The following ASTN2 variants were observed in gnomAD, a reference collection of about 807,000 sequenced individuals.
ASTN2 encodes the protein astrotactin-2.
ASTN2 carries 54 observed loss-of-function variants against 139.8 expected under a neutral mutation model. That is an observed-to-expected ratio of 0.39 (90% CI 0.31 to 0.48). The LOEUF (loss-of-function observed/expected upper bound fraction) is 0.48. ASTN2 is among the 20% of genes least tolerant of loss of function. The pLI, the probability that ASTN2 is intolerant of heterozygous loss-of-function variation, is 0.95. For synonymous variants in ASTN2, 756 were observed against 719.5 expected (o/e 1.05, Z -0.81); for missense variants, 1,565 against 1,725.1 (o/e 0.91, Z 1.64).
chr9:117,008,396 G>C lies in ASTN2; in HGVS notation c.1424-137C>G, dbSNP rs939668789. On this transcript the variant is annotated intron_variant, in intron 6 of 22. Transcript: ENST00000313400. Reference sequence around the variant, plus strand: ...ATTTGTCTAAGTGCACTTGCAATGTGCCCGTCATGGTGTTGCAAGCCCATA... The same window carrying C: ...ATTTGTCTAAGTGCACTTGCAATGTCCCCGTCATGGTGTTGCAAGCCCATA... 9 of 688,730 alleles carry C rather than the reference G, an allele frequency of 1.3e-5. No homozygotes were observed. The African/African-American group carries it at 1.4e-4, about 11-fold the overall frequency. The allele number at this position is 688,730 out of a possible 1,614,324, so 42.7% of individuals were successfully genotyped here.
chr9:116,934,180 G>A (rs1321519650), intron 10 of ASTN2, among the ~76,000 whole-genome samples: 2 of 151,858 alleles, frequency 1.3e-5, no homozygotes, highest in Admixed American at 6.6e-5. Flanking sequence ...TTCCACAAAT[G>A]AGAAGCTACT....
intron 20 of ASTN2, among the ~76,000 whole-genome samples, chr9:116,478,933 A>G (rs1206508286): frequency 7.3e-6 from 1 of 137,478 alleles, no homozygotes; most frequent in Non-Finnish European, 1.5e-5. Context: ...CAGAGGTTGC[A>G]GTGAGCTGAG....
intron 5 of ASTN2, among the ~76,000 whole-genome samples, chr9:117,061,747 TGGGAGACTGAAGA>T (rs987631259): frequency 2.0e-5 from 3 of 152,154 alleles, no homozygotes; most frequent in Non-Finnish European, 4.4e-5. Context: ...GAACTTTCAA[TGGGAGACTGAAGA>T]GGGAGAGAAG....
chr9:116,651,028 G>A (rs551146664), intron 17 of ASTN2, among the ~76,000 whole-genome samples: 1 of 151,486 alleles, frequency 6.6e-6, no homozygotes, highest in South Asian at 2.1e-4. Context: ...CAATTCTCCT[G>A]CCTCAGCCTC....
intron 20 of ASTN2, among the ~76,000 whole-genome samples, chr9:116,447,992 C>T (rs1452524820): frequency 6.6e-6 from 1 of 152,154 alleles, no homozygotes; most frequent in Non-Finnish European, 1.5e-5. Context: ...GCAGTGAGAG[C>T]TTCTCACAGA....
chr9:117,018,686 C>T (rs551965421), intron 6 of ASTN2, among the ~76,000 whole-genome samples: 130 of 152,210 alleles, frequency 8.5e-4, no homozygotes, highest in African/African-American at 2.9e-3. Flanking sequence ...CTGGGAAATG[C>T]TTGATATTTC....
intron 1 of ASTN2, among the ~76,000 whole-genome samples, chr9:117,356,952 T>A (rs1244060426): frequency 6.6e-6 from 1 of 152,026 alleles, no homozygotes; most frequent in East Asian, 1.9e-4. Flanking sequence ...TAATGCCAGC[T>A]ACTTGGGAGG....
intron 13 of ASTN2, among the ~76,000 whole-genome samples, chr9:116,779,690 T>C (rs1830168929): frequency 6.6e-6 from 1 of 152,164 alleles, no homozygotes; most frequent in Non-Finnish European, 1.5e-5. Flanking sequence ...ATTTCCCTTC[T>C]TTTTCTGTTC....
At position 117,211,290 on chromosome 9, in the gene ASTN2, T is replaced by A. The variant is rs931865879; in HGVS notation, c.1015+3068A>T. On this transcript the variant is annotated intron_variant, in intron 3 of 22. Coordinates refer to ENST00000313400, the MANE Select transcript of ASTN2 (RefSeq NM_001365068.1). The stretch of plus-strand genomic sequence containing the variant: ...AGAGTCTACCTAAACGTCTTAGAAA[T>A]GTGATATGGTTTGGCTCTGTGTCTT... Among the ~76,000 whole-genome samples the A allele has an allele frequency of 2.0e-5, 3 of 152,314 alleles. No individual in the cohort carries two copies. In the East Asian group the frequency reaches 5.8e-4, roughly 29 times the overall value.
chr9:116,557,621 G>A (rs1852698615), intron 19 of ASTN2: 1 of 152,168 alleles, frequency 6.6e-6, no homozygotes, highest in African/African-American at 2.4e-5. Flanking sequence ...AGACATGGCT[G>A]CTTGGAAATT....
intron 1 of ASTN2, among the ~76,000 whole-genome samples, chr9:117,402,121 C>T (rs762363945): frequency 2.0e-5 from 3 of 152,146 alleles, no homozygotes; most frequent in Non-Finnish European, 4.4e-5. Context: ...GGCTGGAGTG[C>T]AGTGGCACGA....
At chr9:116,513,512 C>T (rs536615501) in intron 19 of ASTN2, among the ~76,000 whole-genome samples, 419 of 151,920 alleles carry the variant, frequency 2.8e-3, no homozygotes, top group Non-Finnish European at 4.8e-3. Context: ...TTCTTTGTGG[C>T]TTTCTCTGTA....
At chr9:116,609,448 C>A (rs1855420039) in intron 19 of ASTN2, among the ~76,000 whole-genome samples, 1 of 140,742 alleles carries the variant, frequency 7.1e-6, no homozygotes, top group East Asian at 2.1e-4. Context: ...TAATTTGAAG[C>A]AATGCAAACA....
intron 10 of ASTN2, among the ~76,000 whole-genome samples, chr9:116,950,339 A>C (rs16934097): frequency 0.03 from 4,520 of 152,218 alleles, 249 homozygotes; most frequent in African/African-American, 0.1. Context: ...TAAAGGAAGT[A>C]ATTTTCCAGT....
chr9:116,493,809 T>C (rs1306221367), intron 19 of ASTN2, among the ~76,000 whole-genome samples: 1 of 151,738 alleles, frequency 6.6e-6, no homozygotes, highest in African/African-American at 2.4e-5. Flanking sequence ...GATGTGGGGG[T>C]GGGGACGGCA....
chr9:116,981,652 T>C (rs954402942), intron 7 of ASTN2, among the ~76,000 whole-genome samples: 2 of 152,230 alleles, frequency 1.3e-5, no homozygotes, highest in Non-Finnish European at 2.9e-5. Context: ...ATTGGTGGTA[T>C]CAATAGTTCA....
intron 2 of ASTN2, among the ~76,000 whole-genome samples, chr9:117,239,167 C>T (rs1239334901): frequency 2.0e-5 from 3 of 152,186 alleles, no homozygotes; most frequent in Admixed American, 2.0e-4. Context: ...GGCCCTGCCA[C>T]CCTTGGCTGA....
At position 116,534,698 on chromosome 9, in the gene ASTN2, T is replaced by C. The variant is rs188682610; in HGVS notation, c.3356-47198A>G. Among the ~76,000 whole-genome samples the C allele has an allele frequency of 2.6e-3, 393 of 152,346 alleles. 2 individuals carry two copies. The highest frequency in any genetic ancestry group is 0.015 in the South Asian group (74 of 4,824). ...GAGTGAGTTTCTTAATCCTGAGGTC[T>C]AGTTTGATTGCACTGTGTTCTGAGA... On this transcript the variant is annotated intron_variant, in intron 19 of 22. Transcript: ENST00000313400.
chr9:116,426,530 T>C (rs1180526820), intron 22 of ASTN2, among the ~76,000 whole-genome samples: 1 of 152,154 alleles, frequency 6.6e-6, no homozygotes, highest in Non-Finnish European at 1.5e-5. Context: ...CTACCCCCTT[T>C]TAATGGGTGA....
Sources: allele counts gnomAD v4.1 joint callset (sites outside exome capture counted in the v4.1 genomes callset), GRCh38; gene constraint gnomAD v4.1.1; transcripts MANE v1.5; gene names NCBI Gene and HGNC (gene_info 2026-07-23, HGNC 2026-07-21).